The following KYNU variants were observed in gnomAD, a reference collection of about 807,000 sequenced individuals.
KYNU encodes the protein kynureninase.
Under a neutral mutation model 59.2 loss-of-function variants are expected in KYNU, and 54 were observed. That is an observed-to-expected ratio of 0.91 (90% confidence interval 0.73 to 1.14). The LOEUF (loss-of-function observed/expected upper bound fraction) is 1.14, where lower values mean the gene tolerates loss of function less well. Among genes scored for constraint, KYNU ranks in the 50% most tolerant of loss-of-function variants. The pLI, the probability that KYNU is intolerant of heterozygous loss-of-function variation, is 0.00. For missense variants in KYNU, 567 were observed against 554.4 expected, an observed-to-expected ratio of 1.02 and a Z score of -0.23; for synonymous variants, 177 against 192.0, an observed-to-expected ratio of 0.92 and a Z score of 0.65.
intron 2 of KYNU, among the ~76,000 whole-genome samples, chr2:142,908,661 G>A (rs1682379722): frequency 6.6e-6 from 1 of 151,006 alleles, no homozygotes; most frequent in South Asian, 2.1e-4. Context: ...TTGAGATGGA[G>A]TCTTGCTCTG....
chr2:143,015,547 A>G (rs1686222917), intron 10 of KYNU, among the ~76,000 whole-genome samples: 1 of 152,054 alleles, frequency 6.6e-6, no homozygotes, highest in Non-Finnish European at 1.5e-5. Flanking sequence ...GATAAAGACC[A>G]TCTGTATGTC....
At chr2:143,006,724 GCCT>G (rs1052839564) in intron 10 of KYNU, among the ~76,000 whole-genome samples, 2 of 151,640 alleles carry the variant, frequency 1.3e-5, no homozygotes, top group African/African-American at 4.8e-5. Flanking sequence ...CTGGCAGACT[GCCT>G]CCTCAAGTGG....
At chr2:142,942,160 G>GAAA (rs56221582) in intron 4 of KYNU, among the ~76,000 whole-genome samples, 3 of 96,354 alleles carry the variant, frequency 3.1e-5, no homozygotes, top group Admixed American at 1.0e-4. Flanking sequence ...CTGGGTGACA[G>GAAA]AAAAAAAAAA....
rs1687018691 is a variant in KYNU at position 143,040,640 on chromosome 2, A to G, written c.1254A>G (p.Leu418=). 1 of 1,605,046 alleles carries G rather than the reference A, an allele frequency of 6.2e-7. No individual in the cohort carries two copies. The highest frequency in any genetic ancestry group is 8.5e-7 in the Non-Finnish European group (1 of 1,174,488). The change falls in exon 13 of 14, where the codon CTA becomes CTG. Residue 418 remains leucine, a synonymous_variant. Coordinates refer to ENST00000264170, the MANE Select transcript of KYNU (RefSeq NM_003937.3). ...SVPNKDVFQE[L]EKRGVVCDKR... is the part of the protein sequence containing the mutation. ...CAAACAAAGATGTTTTCCAAGAACT[A>G]GAAAAAAGAGGAGTGGTTGTAAGTA... is the stretch of plus-strand genomic sequence containing the variant.
At chr2:142,989,042 A>G in intron 10 of KYNU, 1 of 660,912 alleles carries the variant, frequency 1.5e-6, no homozygotes, top group South Asian at 1.9e-5. Flanking sequence ...AGTGATAAAC[A>G]AAGAAAAGAC....
At chr2:142,981,725 G>T (rs902945032) in intron 8 of KYNU, among the ~76,000 whole-genome samples, 2 of 151,952 alleles carry the variant, frequency 1.3e-5, no homozygotes, top group East Asian at 3.9e-4. Flanking sequence ...CTGATATATT[G>T]TCCTTTTGTG....
intron 12 of KYNU, among the ~76,000 whole-genome samples, chr2:143,039,811 A>G (rs1006227189): frequency 6.6e-6 from 1 of 152,150 alleles, no homozygotes; most frequent in African/African-American, 2.4e-5. Flanking sequence ...AAATGGGTCC[A>G]GGTGCTGGAG....
chr2:142,978,088 C>T (rs1684942019), intron 8 of KYNU, among the ~76,000 whole-genome samples: 2 of 152,132 alleles, frequency 1.3e-5, no homozygotes, highest in African/African-American at 2.4e-5. Flanking sequence ...TTTCCATTCC[C>T]AACTTTCTCT....
At chr2:142,888,126 T>C (rs867381091) in intron 2 of KYNU, among the ~76,000 whole-genome samples, 3 of 152,106 alleles carry the variant, frequency 2.0e-5, no homozygotes, top group Non-Finnish European at 2.9e-5. Flanking sequence ...GAGATAGAAA[T>C]TGGTTTAATA....
At chr2:142,880,546 C>T (rs2105016793) in intron 1 of KYNU, among the ~76,000 whole-genome samples, 1 of 152,316 alleles carries the variant, frequency 6.6e-6, no homozygotes, top group South Asian at 2.1e-4. Flanking sequence ...AGTATTCCTC[C>T]TAGACCCTAG....
At chr2:142,959,595 A>C (rs1340065592) in intron 7 of KYNU, among the ~76,000 whole-genome samples, 1 of 152,216 alleles carries the variant, frequency 6.6e-6, no homozygotes, top group Non-Finnish European at 1.5e-5. Flanking sequence ...TCAAAAAAAA[A>C]AAAAAATTAT....
intron 8 of KYNU, among the ~76,000 whole-genome samples, chr2:142,984,589 C>T (rs1180816236): frequency 6.6e-6 from 1 of 152,032 alleles, no homozygotes; most frequent in Non-Finnish European, 1.5e-5. Flanking sequence ...AGCCATCCTA[C>T]ATCAGAATGT....
chr2:142,964,824 G>T (rs897378703), intron 8 of KYNU: 1 of 152,272 alleles, frequency 6.6e-6, no homozygotes, highest in East Asian at 1.9e-4. Context: ...TGTAGCAAGT[G>T]GGGGAGGCCA....
intron 2 of KYNU, among the ~76,000 whole-genome samples, chr2:142,887,838 AC>A (rs1376359953): frequency 4.6e-5 from 7 of 152,232 alleles, no homozygotes; most frequent in African/African-American, 1.7e-4. Flanking sequence ...GATTGGTTGC[AC>A]AATAATGTGA....
chr2:142,980,407 A>T (rs1685018471), intron 8 of KYNU, among the ~76,000 whole-genome samples: 1 of 152,048 alleles, frequency 6.6e-6, no homozygotes, highest in Admixed American at 6.6e-5. Flanking sequence ...CCTGTGACTT[A>T]GAATGCCTAA....
rs1683091757 is a variant in KYNU at position 142,927,787 on chromosome 2, T to G, written c.373+46T>G. ...TTTTTCCAAATGAATTGTAAAGATG[T>G]TATCATTTAGTTATAAACACAGGCT... On this transcript the variant is annotated intron_variant, in intron 4 of 13. Transcript: ENST00000264170. 4 of 1,279,632 alleles carry G rather than the reference T, an allele frequency of 3.1e-6. No individual in the cohort carries two copies. The East Asian group carries it at 9.3e-5, about 30-fold the overall frequency. 79.3% of individuals were successfully genotyped at this position (1,279,632 alleles called of 1,614,324 possible). A position where few individuals can be genotyped will look rare whatever the true frequency, so the allele number is the denominator to read the frequency against.
chr2:142,884,900 C>T (rs1469501423), intron 1 of KYNU, among the ~76,000 whole-genome samples: 1 of 148,296 alleles, frequency 6.7e-6, no homozygotes, highest in Non-Finnish European at 1.5e-5. Context: ...ATATACTTAA[C>T]CAACCAGCAT....
chr2:142,906,858 G>A (rs1682314893), intron 2 of KYNU, among the ~76,000 whole-genome samples: 1 of 152,166 alleles, frequency 6.6e-6, no homozygotes, highest in Non-Finnish European at 1.5e-5. Context: ...TCTGCCTCTA[G>A]TTGACCCTTG....
intron 1 of KYNU, among the ~76,000 whole-genome samples, chr2:142,878,280 T>G (rs984351219): frequency 6.6e-6 from 1 of 152,252 alleles, no homozygotes; most frequent in South Asian, 2.1e-4. Context: ...TCTTTTTTCC[T>G]TTCTGCTTTT....
Sources: allele counts gnomAD v4.1 joint callset (sites outside exome capture counted in the v4.1 genomes callset), GRCh38; gene constraint gnomAD v4.1.1; transcripts MANE v1.5; gene names NCBI Gene and HGNC (gene_info 2026-07-23, HGNC 2026-07-21).